The following ACTR5 variants were observed in gnomAD, a reference collection of about 807,000 sequenced individuals.
The protein encoded by ACTR5 is actin-related protein 5.
ACTR5 carries 43 observed loss-of-function variants against 61.2 expected under a neutral mutation model. The ratio of observed to expected loss-of-function variants is 0.70; its 90% CI spans 0.55 to 0.91. ACTR5 has a LOEUF of 0.91. ACTR5 is among the 40% of genes least tolerant of loss of function. The probability of loss-of-function intolerance (pLI) is 0.00; values close to 1 mark genes in which losing one functional copy is unlikely to be tolerated. For missense variants in ACTR5, 798 were observed against 782.2 expected, an observed-to-expected ratio of 1.02 and a Z score of -0.24; for synonymous variants, 333 against 310.5, an observed-to-expected ratio of 1.07 and a Z score of -0.76.
At position 38,771,737 on chromosome 20, in the gene ACTR5, AGGCCTC is replaced by A. The variant is rs1425874265; in HGVS notation, c.1746_1751del (p.Gln582_Ser584delinsHis). On this transcript the variant is annotated inframe_deletion, in exon 9 of 9. Transcript: ENST00000243903. The stretch of plus-strand genomic sequence containing the variant: ...TATGTCCCCATCCGCCTGCCGAAGC[AGGCCTC>A]CCGCTCCTCAGATGCCCAGGCATCC... The A allele has an allele frequency of 6.2e-7, 1 of 1,614,064 alleles. No homozygotes were observed. The highest frequency in any genetic ancestry group is 8.5e-7 in the Non-Finnish European group (1 of 1,180,030).
intron 3 of ACTR5, among the ~76,000 whole-genome samples, chr20:38,753,817 C>G (rs1248245447): frequency 6.8e-6 from 1 of 146,218 alleles, no homozygotes; most frequent in Non-Finnish European, 1.5e-5. Context: ...TGTTTTTGTT[C>G]CTTCTGTTTA....
intron 2 of ACTR5, among the ~76,000 whole-genome samples, chr20:38,751,227 T>C (rs2084385562): frequency 6.6e-6 from 1 of 152,144 alleles, no homozygotes; most frequent in Non-Finnish European, 1.5e-5. Context: ...ATACGTAAAA[T>C]TGGGAAAAAC....
rs942088205 is a variant in ACTR5, at chr20:38,748,826, C to T, written c.348C>T (p.Ser116=). Residue 116 remains serine, a synonymous_variant, in exon 1 of 9, where the codon AGC becomes AGT. Coordinates refer to ENST00000243903, the MANE Select transcript of ACTR5 (RefSeq NM_024855.4). ...LELQELLLDY[S]FQHLGVSSQG... ...TTCAGGAGTTGCTGCTGGACTACAG[C>T]TTCCAGCACCTGGGTGTCTCCTCAC... 6.2e-7 allele frequency: 1 copy of T among 1,608,552 alleles called. No homozygotes were observed. The highest frequency in any genetic ancestry group is 1.1e-5 in the South Asian group (1 of 90,850).
In ACTR5 at chr20:38,752,313, A is replaced by T. The variant is rs1282470165; in HGVS notation, c.775+13A>T. 1 of 1,577,238 alleles carries T rather than the reference A, an allele frequency of 6.3e-7. No homozygotes were observed. Among genetic ancestry groups the T allele is most frequent in the Admixed American group, 1.8e-5 (1 of 55,994 alleles). ...GATTATGTGGAAGGTATCCAAGAGG[A>T]TGTTTGCCTGCAGCTTTTGGGTGTT... On this transcript the variant is annotated intron_variant, in intron 3 of 8. Transcript: ENST00000243903.
Position 38,756,044 on chromosome 20 carries a change from C to A in ACTR5, c.1176+5C>A, listed in dbSNP as rs1424734323. 1 of 1,609,150 alleles carries A rather than the reference C, an allele frequency of 6.2e-7. No homozygotes were observed. Among genetic ancestry groups the A allele is most frequent in the African/African-American group, 1.3e-5 (1 of 74,690 alleles). ...GTGGTAGACAGCAAGCCAGAGGTAA[C>A]TTAGGGCCTTGGAAGGAGCAGCCCT... On this transcript the variant is annotated splice_donor_5th_base_variant and intron_variant, in intron 5 of 8. Coordinates refer to ENST00000243903, the MANE Select transcript of ACTR5 (RefSeq NM_024855.4).
chr20:38,748,651 G>C lies in ACTR5; in HGVS notation c.173G>C (p.Arg58Pro), dbSNP rs1489813547. 3.3e-6 allele frequency: 5 copies of C among 1,516,592 alleles called. No individual in the cohort carries two copies. The highest frequency in any genetic ancestry group is 4.4e-6 in the Non-Finnish European group (5 of 1,135,216). 93.9% of individuals were successfully genotyped at this position (1,516,592 alleles called of 1,614,324 possible). ...CPGQDPGPEP[R>P]LQFRAVCARG... ...GGGCAGGACCCAGGTCCCGAGCCGC[G>C]CCTGCAGTTCCGCGCGGTGTGCGCC... is the stretch of plus-strand genomic sequence containing the variant. Residue 58 changes from arginine to proline, a missense_variant, in exon 1 of 9, where the codon CGC becomes CCC. Physicochemically the swap from Arg to Pro is moderately radical, Grantham distance 103. Transcript: ENST00000243903.
At chr20:38,765,080 G>T (rs1009965429) in intron 5 of ACTR5, among the ~76,000 whole-genome samples, 4 of 152,200 alleles carry the variant, frequency 2.6e-5, no homozygotes, top group Admixed American at 1.3e-4. Context: ...TGCGTGTGTG[G>T]TGGTGTGACT....
At chr20:38,756,273 C>T (rs1052658928) in intron 5 of ACTR5, among the ~76,000 whole-genome samples, 1 of 152,224 alleles carries the variant, frequency 6.6e-6, no homozygotes. Flanking sequence ...GAAGAACATT[C>T]ACACACCAAA....
intron 1 of ACTR5, among the ~76,000 whole-genome samples, chr20:38,749,627 G>A (rs1349837703): frequency 6.6e-6 from 1 of 152,218 alleles, no homozygotes; most frequent in Non-Finnish European, 1.5e-5. Flanking sequence ...TATGGAGAAT[G>A]AATTGTCTTG....
chr20:38,770,911 G>C (rs1381012224), intron 8 of ACTR5, among the ~76,000 whole-genome samples: 2 of 150,938 alleles, frequency 1.3e-5, no homozygotes. Context: ...TTGGTGGAGT[G>C]GGGAGGTGAG....
rs749402313 is a variant in ACTR5, at chr20:38,755,148, C to T, written c.967C>T (p.Arg323Cys). 1.3e-5 allele frequency: 21 copies of T among 1,612,552 alleles called. 1 individual carries two copies. The Admixed American group carries it at 2.0e-4, about 15-fold the overall frequency. ...REEKLQLDQERLDRLLYVQEL... is the reference protein window; with the variant it reads ...REEKLQLDQECLDRLLYVQEL... ...GGAGAAGCTGCAGCTGGATCAGGAG[C>T]GTCTGGACCGACTGCTATATGTGCA... is the stretch of plus-strand genomic sequence containing the variant. The change falls in exon 4 of 9, where the codon CGT becomes TGT. Residue 323 changes from arginine to cysteine, a missense_variant. Coordinates refer to ENST00000243903, the MANE Select transcript of ACTR5 (RefSeq NM_024855.4).
Position 38,755,087 on chromosome 20 carries a change from G to GCGGCGGCTGCAGGAGCTCAATGCC in ACTR5, c.914_937dup (p.Leu305_Arg312dup), listed in dbSNP as rs1237197579. 1 of 1,614,256 alleles carries GCGGCGGCTGCAGGAGCTCAATGCC rather than the reference G, an allele frequency of 6.2e-7. No individual in the cohort carries two copies. ...AACAAGAAAGGCGGCAGCAGCAATT[G>GCGGCGGCTGCAGGAGCTCAATGCC]CGGCGGCTGCAGGAGCTCAATGCCC... On this transcript the variant is annotated inframe_insertion, in exon 4 of 9. Coordinates refer to ENST00000243903, the MANE Select transcript of ACTR5 (RefSeq NM_024855.4).
intron 2 of ACTR5, among the ~76,000 whole-genome samples, chr20:38,751,057 C>T (rs1284560693): frequency 1.3e-5 from 2 of 152,210 alleles, no homozygotes; most frequent in Non-Finnish European, 2.9e-5. Context: ...ATTTAAAAAT[C>T]TGTTGCCACT....
chr20:38,757,206 CT>C (rs1430766697), intron 5 of ACTR5, among the ~76,000 whole-genome samples: 1 of 152,184 alleles, frequency 6.6e-6, no homozygotes, highest in Non-Finnish European at 1.5e-5. Context: ...GGATGACAGG[CT>C]TGAGCCACCA....
chr20:38,764,792 C>T (rs2084475402), intron 5 of ACTR5, among the ~76,000 whole-genome samples: 2 of 152,230 alleles, frequency 1.3e-5, no homozygotes, highest in South Asian at 4.1e-4. Context: ...ACCTCAGCTT[C>T]CCAAGTAGCT....
rs2084365370 is a variant in ACTR5, at chr20:38,748,495, T to A, written c.17T>A (p.Phe6Tyr). The change falls in exon 1 of 9, where the codon TTC (phenylalanine) becomes TAC (tyrosine). Residue 6 changes from phenylalanine to tyrosine, a missense_variant. Coordinates refer to ENST00000243903, the MANE Select transcript of ACTR5 (RefSeq NM_024855.4). MAANV[F>Y]PFRDARAAPD... ...CGCTCCAAGATGGCGGCGAACGTGT[T>A]CCCGTTCCGCGACGCCCGTGCCGCA... 1.1e-5 allele frequency: 17 copies of A among 1,492,894 alleles called. No individual in the cohort carries two copies. The highest frequency in any genetic ancestry group is 1.5e-5 in the Non-Finnish European group (17 of 1,128,398). 92.5% of individuals were successfully genotyped at this position (1,492,894 alleles called of 1,614,324 possible). A position where few individuals can be genotyped will look rare whatever the true frequency, so the allele number is the denominator to read the frequency against.
In ACTR5 at chr20:38,767,006, T is replaced by A. The variant is rs553705175; in HGVS notation, c.1434-458T>A. ...ACAGTGGTTGGAAAGTGATCAAACA[T>A]GTCTTAGATAAAGCTGTTATTAAAA... On this transcript the variant is annotated intron_variant, in intron 7 of 8. Transcript: ENST00000243903. 3.9e-5 allele frequency among the ~76,000 whole-genome samples: 6 copies of A among 152,308 alleles called. No individual in the cohort carries two copies. The East Asian group carries it at 1.2e-3, about 29-fold the overall frequency.
intron 1 of ACTR5, among the ~76,000 whole-genome samples, chr20:38,749,261 G>GA (rs1379448248): frequency 6.6e-6 from 1 of 152,184 alleles, no homozygotes; most frequent in African/African-American, 2.4e-5. Flanking sequence ...TAGGAGAGGA[G>GA]GGAGTTACAT....
chr20:38,762,379 G>A (rs553576312), intron 5 of ACTR5, among the ~76,000 whole-genome samples: 55 of 152,268 alleles, frequency 3.6e-4, no homozygotes, highest in Non-Finnish European at 7.1e-4. Context: ...GACCTTTCAG[G>A]ACCTTACCTT....
Sources: gnomAD v4.1 joint callset for allele counts (sites outside exome capture counted in the v4.1 genomes callset) on GRCh38, gnomAD v4.1.1 for gene constraint, MANE v1.5 for transcripts, NCBI Gene and HGNC (gene_info 2026-07-23, HGNC 2026-07-21) for gene names.